The following SENP7 variants were observed in gnomAD, a reference collection of about 807,000 sequenced individuals.
The protein encoded by SENP7 is SUMO specific peptidase 7.
SENP7 carries 64 observed loss-of-function variants against 141.2 expected under a neutral mutation model. The observed-to-expected ratio is 0.45, with a 90% CI of 0.37 to 0.56. The LOEUF is 0.56. Ranked by LOEUF, SENP7 falls within the 20% of genes least tolerant of loss-of-function variation. The pLI is 0.00. For missense variants in SENP7, 1,025 were observed against 1,212.2 expected (o/e 0.85, Z 2.29); for synonymous variants, 382 against 426.4 (o/e 0.90, Z 1.28).
intron 2 of SENP7, among the ~76,000 whole-genome samples, chr3:101,498,861 A>G (rs1204800686): frequency 6.6e-6 from 1 of 152,170 alleles, no homozygotes; most frequent in Non-Finnish European, 1.5e-5. Flanking sequence ...TCTAGGTTGC[A>G]TGCTCCTCAT....
chr3:101,432,750 G>A (rs554125390), intron 4 of SENP7, among the ~76,000 whole-genome samples: 5 of 152,170 alleles, frequency 3.3e-5, no homozygotes, highest in Non-Finnish European at 7.3e-5. Flanking sequence ...CTAAAGCTTA[G>A]AGCATAACAC....
intron 3 of SENP7, among the ~76,000 whole-genome samples, chr3:101,478,577 C>T (rs1209891684): frequency 6.6e-6 from 1 of 152,068 alleles, no homozygotes; most frequent in Non-Finnish European, 1.5e-5. Flanking sequence ...AAAAGAAAAG[C>T]CCACGACCTG....
chr3:101,395,795 T>G (rs2060951304), intron 6 of SENP7, among the ~76,000 whole-genome samples: 1 of 152,260 alleles, frequency 6.6e-6, no homozygotes, highest in African/African-American at 2.4e-5. Context: ...CAGGAACACA[T>G]GTTGGCACCC....
At chr3:101,451,228 C>T (rs1246404210) in intron 4 of SENP7, among the ~76,000 whole-genome samples, 2 of 152,120 alleles carry the variant, frequency 1.3e-5, no homozygotes, top group South Asian at 2.1e-4. Flanking sequence ...TAATTAGTAG[C>T]TTACCAACCC....
At chr3:101,464,456 C>G (rs1393929030) in intron 3 of SENP7, among the ~76,000 whole-genome samples, 1 of 152,144 alleles carries the variant, frequency 6.6e-6, no homozygotes, top group Non-Finnish European at 1.5e-5. Flanking sequence ...GCTCCACCAC[C>G]TGTCAGGTCA....
chr3:101,339,722 CAAA>C (rs796092314), intron 16 of SENP7, among the ~76,000 whole-genome samples: 1 of 140,810 alleles, frequency 7.1e-6, no homozygotes, highest in Admixed American at 7.1e-5. Flanking sequence ...CCATCTCAAA[CAAA>C]AAAAAAAAGA....
intron 14 of SENP7, among the ~76,000 whole-genome samples, chr3:101,342,004 T>C (rs1213604325): frequency 2.6e-5 from 4 of 152,128 alleles, no homozygotes; most frequent in African/African-American, 9.7e-5. Flanking sequence ...TTTGCAGATA[T>C]GGACTACAGA....
chr3:101,370,945 G>A (rs752951377), intron 7 of SENP7, among the ~76,000 whole-genome samples: 34 of 152,146 alleles, frequency 2.2e-4, no homozygotes, highest in Non-Finnish European at 4.3e-4. Context: ...TTTTTGCACA[G>A]CATCATCAAA....
intron 3 of SENP7, among the ~76,000 whole-genome samples, chr3:101,463,378 T>TATATATATATATATATATATATATAC (rs2063632896): frequency 1.2e-5 from 1 of 84,406 alleles, no homozygotes; most frequent in Non-Finnish European, 2.2e-5. Context: ...TATATATATA[T>TATATATATATATATATATATATATAC]ATATATATAT....
At chr3:101,486,295 G>C (rs1278985226) in intron 3 of SENP7, among the ~76,000 whole-genome samples, 1 of 152,078 alleles carries the variant, frequency 6.6e-6, no homozygotes, top group Non-Finnish European at 1.5e-5. Flanking sequence ...TCTTCACCTA[G>C]GCACACGGCA....
At chr3:101,349,763 C>T (rs1029726457) in intron 12 of SENP7, among the ~76,000 whole-genome samples, 1 of 151,956 alleles carries the variant, frequency 6.6e-6, no homozygotes, top group Admixed American at 6.6e-5. Context: ...TACCTCATTA[C>T]CAAGTCTGCC....
chr3:101,499,213 T>C (rs2065274774), intron 2 of SENP7, among the ~76,000 whole-genome samples: 1 of 152,172 alleles, frequency 6.6e-6, no homozygotes. Flanking sequence ...AGTATTAATT[T>C]CTAATGGCAG....
At chr3:101,486,933 T>C (rs1027823286) in intron 3 of SENP7, among the ~76,000 whole-genome samples, 2 of 152,184 alleles carry the variant, frequency 1.3e-5, no homozygotes, top group Non-Finnish European at 2.9e-5. Context: ...TGGCATTTCA[T>C]GCAAATGGAC....
At chr3:101,448,176 T>C (rs1319580300) in intron 4 of SENP7, among the ~76,000 whole-genome samples, 1 of 152,196 alleles carries the variant, frequency 6.6e-6, no homozygotes, top group African/African-American at 2.4e-5. Context: ...GATCATGACC[T>C]TGGATTAGGC....
At chr3:101,343,139 G>T (rs536739087) in intron 14 of SENP7, among the ~76,000 whole-genome samples, 1 of 152,274 alleles carries the variant, frequency 6.6e-6, no homozygotes, top group East Asian at 1.9e-4. Context: ...CTTATTACTG[G>T]TGATGTTCAT....
chr3:101,384,323 C>G (rs1237428759), intron 6 of SENP7, among the ~76,000 whole-genome samples: 1 of 152,254 alleles, frequency 6.6e-6, no homozygotes, highest in Non-Finnish European at 1.5e-5. Context: ...AAAAAGGGTG[C>G]TACACACTCT....
intron 6 of SENP7, among the ~76,000 whole-genome samples, chr3:101,390,235 A>C (rs1261222693): frequency 6.6e-6 from 1 of 151,298 alleles, no homozygotes; most frequent in Non-Finnish European, 1.5e-5. Flanking sequence ...AAAAAAAAAA[A>C]AAAAAAAACC....
intron 14 of SENP7, 37 bp downstream of exon 14, chr3:101,343,648 TC>T: frequency 6.4e-7 from 1 of 1,558,146 alleles, no homozygotes; most frequent in Non-Finnish European, 8.7e-7. Flanking sequence ...TTTCTGAACC[TC>T]CCCCTTCTCT....
At chr3:101,366,350 A>T (rs2060037299) in intron 9 of SENP7, 80 bp downstream of exon 9, 2 of 1,107,442 alleles carry the variant, frequency 1.8e-6, no homozygotes, top group African/African-American at 1.6e-5. Flanking sequence ...GGCCTTAGCC[A>T]AATTTGTTCA....
Sources: allele counts gnomAD v4.1 joint callset (sites outside exome capture counted in the v4.1 genomes callset), GRCh38; gene constraint gnomAD v4.1.1; transcripts MANE v1.5; gene names NCBI Gene and HGNC (gene_info 2026-07-23, HGNC 2026-07-21).